The following NELL2 variants were observed in gnomAD, a reference collection of about 807,000 sequenced individuals.
The protein encoded by NELL2 is neural EGFL like 2, also known as protein kinase C-binding protein NELL2.
Under a neutral mutation model 109.6 loss-of-function variants are expected in NELL2, and 41 were observed. The observed-to-expected ratio is 0.37, with a 90% confidence interval of 0.29 to 0.49. The LOEUF (loss-of-function observed/expected upper bound fraction) is 0.49, where lower values mean the gene tolerates loss of function less well. Among genes scored for constraint, NELL2 ranks in the 20% least tolerant of loss-of-function variants. The probability of loss-of-function intolerance (pLI) is 0.98; values close to 1 mark genes in which losing one functional copy is unlikely to be tolerated. For missense variants in NELL2, 900 were observed against 1,008.3 expected, an observed-to-expected ratio of 0.89 and a Z score of 1.45; for synonymous variants, 355 against 344.7, an observed-to-expected ratio of 1.03 and a Z score of -0.33.
rs766459492 is a variant in NELL2 at position 44,913,786 on chromosome 12, A to T, written c.38+13T>A. On this transcript the variant is annotated intron_variant, in intron 1 of 20. Coordinates refer to the NELL2 transcript ENST00000333837. ...GAGTTACCTTAAAATTAAAATGATAAGAAAGAACTCACATTTTGAGGATTA... is the reference window on the plus strand; with the variant it reads ...GAGTTACCTTAAAATTAAAATGATATGAAAGAACTCACATTTTGAGGATTA... 4.8e-6 allele frequency: 4 copies of T among 835,888 alleles called. No individual in the cohort carries two copies. In the South Asian group the frequency reaches 5.0e-5, roughly 10 times the overall value. The allele number at this position is 835,888 out of a possible 1,614,324, so 51.8% of individuals were successfully genotyped here. A position where few individuals can be genotyped will look rare whatever the true frequency, so the allele number is the denominator to read the frequency against.
intron 3 of NELL2, among the ~76,000 whole-genome samples, chr12:44,809,950 A>G (rs1943120887): frequency 6.6e-6 from 1 of 152,082 alleles, no homozygotes. Context: ...AGTTGTCATT[A>G]TTCTCTAAGA....
Position 44,519,994 on chromosome 12 carries a change from A to G in NELL2, c.2400+11T>C, listed in dbSNP as rs749723085. 2 of 1,612,658 alleles carry G rather than the reference A, an allele frequency of 1.2e-6. No individual in the cohort carries two copies. The highest frequency in any genetic ancestry group is 1.7e-6 in the Non-Finnish European group (2 of 1,178,808). On this transcript the variant is annotated intron_variant, in intron 19 of 19. Coordinates refer to ENST00000429094, the MANE Select transcript of NELL2 (RefSeq NM_001145108.2). Reference sequence around the variant, plus strand: ...GCAAAGTGCTCACTATTTAAATTTAATGGAGTTTACCTTGCACTGGCAGAG... The same window carrying G: ...GCAAAGTGCTCACTATTTAAATTTAGTGGAGTTTACCTTGCACTGGCAGAG...
intron 9 of NELL2, among the ~76,000 whole-genome samples, chr12:44,769,202 T>C (rs1294566552): frequency 3.3e-5 from 5 of 152,132 alleles, no homozygotes; most frequent in African/African-American, 1.2e-4. Flanking sequence ...GAATCATCTA[T>C]ATTGATGTGC....
chr12:44,857,510 A>C (rs899191531), intron 2 of NELL2, among the ~76,000 whole-genome samples: 1 of 152,176 alleles, frequency 6.6e-6, no homozygotes, highest in African/African-American at 2.4e-5. Context: ...GGTTCCCTGA[A>C]ATCTTATCCT....
At chr12:44,853,597 C>G (rs1944593164) in intron 2 of NELL2, among the ~76,000 whole-genome samples, 1 of 152,114 alleles carries the variant, frequency 6.6e-6, no homozygotes, top group South Asian at 2.1e-4. Context: ...ATTAAACGAT[C>G]TATTAGGTAT....
intron 13 of NELL2, among the ~76,000 whole-genome samples, chr12:44,634,870 G>A (rs1443718991): frequency 6.6e-6 from 1 of 152,046 alleles, no homozygotes; most frequent in Non-Finnish European, 1.5e-5. Flanking sequence ...AGAACATGCA[G>A]TATTTGGTTT....
intron 13 of NELL2, among the ~76,000 whole-genome samples, chr12:44,635,495 T>A (rs1213041684): frequency 6.6e-6 from 1 of 152,220 alleles, no homozygotes; most frequent in Non-Finnish European, 1.5e-5. Flanking sequence ...TTCAGTTTTC[T>A]GCACATGGCT....
intron 15 of NELL2, among the ~76,000 whole-genome samples, chr12:44,543,641 T>G (rs1327676125): frequency 5.9e-5 from 9 of 152,182 alleles, no homozygotes; most frequent in Admixed American, 2.6e-4. Context: ...GGCTTTGTGT[T>G]AGAGTTCAAC....
intron 3 of NELL2, among the ~76,000 whole-genome samples, chr12:44,809,834 G>C (rs1943117062): frequency 6.6e-6 from 1 of 151,982 alleles, no homozygotes; most frequent in South Asian, 2.1e-4. Flanking sequence ...AGATACCCTA[G>C]AATCCAGAGC....
At chr12:44,886,553 G>A (rs1592704293) in intron 1 of NELL2, among the ~76,000 whole-genome samples, 1 of 151,816 alleles carries the variant, frequency 6.6e-6, no homozygotes, top group Admixed American at 6.6e-5. Context: ...GATGTACATA[G>A]TTTTGAGGTA....
At position 44,777,072 on chromosome 12, in the gene NELL2, T is replaced by A; in HGVS notation, c.732A>T (p.Leu244=). Residue 244 remains leucine (L), a synonymous_variant, in exon 7 of 20, where the codon CTA becomes CTT. Transcript: ENST00000429094. The part of the protein sequence containing the change: ...FHGLVQKIME[L]QDILAKTSAK... ...CTGATGTTTTGGCTAAAATATCCTGTAGCTCCATGATTTTCTGCACAAGTC... is the reference window on the plus strand; with the variant it reads ...CTGATGTTTTGGCTAAAATATCCTGAAGCTCCATGATTTTCTGCACAAGTC... 1 of 1,614,064 alleles carries A rather than the reference T, an allele frequency of 6.2e-7. No homozygotes were observed. Among genetic ancestry groups the A allele is most frequent in the Non-Finnish European group, 8.5e-7 (1 of 1,179,934 alleles).
intron 1 of NELL2, among the ~76,000 whole-genome samples, chr12:44,889,301 T>C (rs755927065): frequency 3.3e-5 from 5 of 152,018 alleles, no homozygotes; most frequent in Admixed American, 6.6e-5. Context: ...CTTTACTGGT[T>C]AGAAAAATAT....
intron 9 of NELL2, among the ~76,000 whole-genome samples, chr12:44,771,349 A>G (rs542936125): frequency 6.9e-6 from 1 of 144,698 alleles, no homozygotes. Flanking sequence ...GTTTTTTTAA[A>G]AAAAAAAAAG....
chr12:44,692,561 T>C (rs1197785046), intron 12 of NELL2, among the ~76,000 whole-genome samples: 1 of 152,174 alleles, frequency 6.6e-6, no homozygotes, highest in Non-Finnish European at 1.5e-5. Flanking sequence ...TAGTGATTTC[T>C]CTCAAGAATC....
intron 15 of NELL2, among the ~76,000 whole-genome samples, chr12:44,592,780 T>C (rs959897753): frequency 4.6e-5 from 7 of 152,200 alleles, no homozygotes; most frequent in African/African-American, 1.7e-4. Context: ...CTAGGGCTCT[T>C]TCCAAGGGCT....
chr12:44,521,326 C>A (rs1012092928), intron 18 of NELL2, among the ~76,000 whole-genome samples: 2 of 151,850 alleles, frequency 1.3e-5, no homozygotes, highest in African/African-American at 2.4e-5. Flanking sequence ...GTCAGGAGAT[C>A]GAGACCATCC....
At chr12:44,866,831 G>C (rs1945015098) in intron 2 of NELL2, among the ~76,000 whole-genome samples, 1 of 151,886 alleles carries the variant, frequency 6.6e-6, no homozygotes, top group Non-Finnish European at 1.5e-5. Flanking sequence ...AACATCATGA[G>C]ACTACTATAA....
chr12:44,851,261 T>C (rs1055870288), intron 2 of NELL2, among the ~76,000 whole-genome samples: 2 of 151,660 alleles, frequency 1.3e-5, no homozygotes, highest in African/African-American at 4.8e-5. Flanking sequence ...ACCCACCCAC[T>C]GCCACCCCCT....
chr12:44,575,411 T>C lies in NELL2; in HGVS notation c.1663+31758A>G, dbSNP rs534693447. Among the ~76,000 whole-genome samples the C allele has an allele frequency of 2.6e-5, 4 of 152,368 alleles. No homozygotes were observed. In the South Asian group the frequency reaches 8.3e-4, roughly 32 times the overall value. On this transcript the variant is annotated intron_variant, in intron 15 of 19. Transcript: ENST00000429094. ...TGGTTCTCAGAGGCTTGGAAGCATT[T>C]ACACTTCTTGATTTGCTGTATCTTT... is the stretch of plus-strand genomic sequence containing the variant.
Sources: gnomAD v4.1 joint callset for allele counts (sites outside exome capture counted in the v4.1 genomes callset) on GRCh38, gnomAD v4.1.1 for gene constraint, MANE v1.5 for transcripts, NCBI Gene and HGNC (gene_info 2026-07-23, HGNC 2026-07-21) for gene names.